Variants in STXBP3 observed in about 807,000 individuals in gnomAD.
STXBP3 encodes syntaxin binding protein 3, also known as syntaxin-binding protein 3.
A neutral mutation model predicts 85.7 loss-of-function variants in STXBP3; 41 were observed. The ratio of observed to expected loss-of-function variants is 0.48; its 90% CI spans 0.37 to 0.62. The LOEUF is 0.62. Among genes scored for constraint, STXBP3 ranks in the 20% least tolerant of loss-of-function variants. The probability of loss-of-function intolerance (pLI) is 0.00; values close to 1 mark genes in which losing one functional copy is unlikely to be tolerated. For missense variants in STXBP3, 563 were observed against 703.1 expected (o/e 0.80, Z 2.25); for synonymous variants, 229 against 231.7 (o/e 0.99, Z 0.10).
At position 108,752,326 on chromosome 1, in the gene STXBP3, C is replaced by G. The variant is rs1447969568; in HGVS notation, c.99+20C>G. 2 of 1,607,680 alleles carry G rather than the reference C, an allele frequency of 1.2e-6. No homozygotes were observed. The highest frequency in any genetic ancestry group is 1.7e-6 in the Non-Finnish European group (2 of 1,176,256). ...TGGAAGGTAGAGTTTGCATACCTTG[C>G]TCTTATAAAAAATAATACAAACTTT... On this transcript the variant is annotated intron_variant, in intron 2 of 18. Coordinates refer to ENST00000370008, the MANE Select transcript of STXBP3 (RefSeq NM_007269.4).
intron 7 of STXBP3, among the ~76,000 whole-genome samples, chr1:108,775,066 T>TAATTTATTGTACAATTAATTTATTGTAC (rs1261821541): frequency 6.6e-6 from 1 of 152,160 alleles, no homozygotes; most frequent in African/African-American, 2.4e-5. Flanking sequence ...ACAAAGAGTT[T>TAATTTATTGTACAATTAATTTATTGTAC]AATTTATTGT....
chr1:108,785,689 T>C (rs893542453), intron 11 of STXBP3, among the ~76,000 whole-genome samples: 20 of 152,144 alleles, frequency 1.3e-4, no homozygotes, highest in African/African-American at 4.8e-4. Flanking sequence ...TTTTCAAACT[T>C]TTATGCTCTG....
At position 108,798,229 on chromosome 1, in the gene STXBP3, A is replaced by T. The variant is rs1663154026; in HGVS notation, c.1441A>T (p.Ile481Phe). The T allele has an allele frequency of 6.2e-7, 1 of 1,608,224 alleles. No homozygotes were observed. The highest frequency in any genetic ancestry group is 1.1e-5 in the South Asian group (1 of 90,812). Residue 481 changes from isoleucine (I) to phenylalanine (F), a missense_variant, in exon 16 of 19, where the codon ATT becomes TTT. Transcript: ENST00000370008. ...TCGGTGGACACCTTTTATCAAAGATATTATGGAGGTAAAAATCATTAAAAT... is the reference window on the plus strand; with the variant it reads ...TCGGTGGACACCTTTTATCAAAGATTTTATGGAGGTAAAAATCATTAAAAT... ...LSRWTPFIKD[I>F]MEDAIDNRLD...
intron 1 of STXBP3, among the ~76,000 whole-genome samples, chr1:108,748,241 G>GAA (rs895391720): frequency 7.2e-5 from 11 of 152,192 alleles, no homozygotes; most frequent in South Asian, 6.2e-4. Flanking sequence ...GAAAAGAAAA[G>GAA]AAAAAATTAT....
At chr1:108,779,973 T>G (rs915244440) in intron 9 of STXBP3, 2 of 152,142 alleles carry the variant, frequency 1.3e-5, no homozygotes, top group African/African-American at 4.8e-5. Context: ...ATGAAATAGT[T>G]TTCTATCAAG....
intron 3 of STXBP3, among the ~76,000 whole-genome samples, chr1:108,755,696 G>T (rs1662003384): frequency 6.6e-6 from 1 of 152,010 alleles, no homozygotes; most frequent in African/African-American, 2.4e-5. Context: ...AATATGTATA[G>T]CATGACTGTA....
At chr1:108,797,606 C>A (rs1178044032) in intron 15 of STXBP3, among the ~76,000 whole-genome samples, 1 of 152,012 alleles carries the variant, frequency 6.6e-6, no homozygotes, top group East Asian at 1.9e-4. Context: ...CAGGGTTTCA[C>A]TCTGTCGGCC....
chr1:108,767,065 A>G (rs1265184688), intron 6 of STXBP3: 2 of 368,902 alleles, frequency 5.4e-6, no homozygotes, highest in East Asian at 1.6e-4. Flanking sequence ...AGGAGATTGC[A>G]GCATTAATAA....
intron 9 of STXBP3, chr1:108,780,599 C>G (rs1264037326): frequency 6.8e-6 from 1 of 146,334 alleles, no homozygotes; most frequent in Non-Finnish European, 1.5e-5. Flanking sequence ...GAACTCCTGA[C>G]CTCAGGTGAT....
intron 4 of STXBP3, among the ~76,000 whole-genome samples, chr1:108,758,187 G>A (rs1662060054): frequency 6.6e-6 from 1 of 150,712 alleles, no homozygotes; most frequent in African/African-American, 2.4e-5. Flanking sequence ...TATTCCAATA[G>A]TCTTGTCTTC....
intron 2 of STXBP3, among the ~76,000 whole-genome samples, chr1:108,752,547 C>T (rs975920683): frequency 3.3e-5 from 5 of 152,010 alleles, no homozygotes; most frequent in East Asian, 1.9e-4. Flanking sequence ...CCATGGATAC[C>T]GAGGGATGAC....
In STXBP3 at chr1:108,779,551, A is replaced by G. The variant is rs1271173742; in HGVS notation, c.809+141A>G. ...GAGACTTTATCCTTCTCTTATTCCT[A>G]CAGTTATAGTCTTTGACAGATAATG... On this transcript the variant is annotated intron_variant, in intron 9 of 18. Transcript: ENST00000370008. The G allele has an allele frequency of 1.0e-5, 9 of 869,398 alleles. No homozygotes were observed. In the South Asian group the frequency reaches 1.5e-4, roughly 15 times the overall value. The allele number at this position is 869,398 out of a possible 1,614,324, so 53.9% of individuals were successfully genotyped here.
chr1:108,763,087 C>T (rs749035767), intron 6 of STXBP3, among the ~76,000 whole-genome samples: 3 of 152,148 alleles, frequency 2.0e-5, no homozygotes, highest in Non-Finnish European at 4.4e-5. Flanking sequence ...GGCACAGAAT[C>T]CTGTTTCTTG....
At position 108,776,393 on chromosome 1, in the gene STXBP3, C is replaced by T. The variant is rs1261217345; in HGVS notation, c.654C>T (p.Tyr218=). 3 of 1,607,386 alleles carry T rather than the reference C, an allele frequency of 1.9e-6. No homozygotes were observed. Among genetic ancestry groups the T allele is most frequent in the Admixed American group, 1.7e-5 (1 of 59,608 alleles). Residue 218 remains tyrosine (Y), a synonymous_variant, in exon 8 of 19, where the codon TAC becomes TAT. Transcript: ENST00000370008. ...AQLVEKKLED[Y]YKIDEKSLIK... is the part of the protein sequence containing the mutation. ...TTGTTGAAAAAAAGCTTGAAGACTA[C>T]TACAAGATTGATGAAAAGAGCCTAA...
At chr1:108,792,959 C>T (rs947725777) in intron 11 of STXBP3, among the ~76,000 whole-genome samples, 2 of 152,104 alleles carry the variant, frequency 1.3e-5, no homozygotes, top group Admixed American at 1.3e-4. Context: ...ACTAAGACCC[C>T]TCTGAAATCT....
At position 108,808,985 on chromosome 1, in the gene STXBP3, T is replaced by C. The variant is rs1386122224; in HGVS notation, c.*108T>C. 4.1e-6 allele frequency: 3 copies of C among 731,290 alleles called. No homozygotes were observed. The East Asian group carries it at 8.5e-5, about 21-fold the overall frequency. 45.3% of individuals were successfully genotyped at this position (731,290 alleles called of 1,614,324 possible). ...ACAATGTAAATATTTTATGGAATAA[T>C]GGCTTTTCAAATACATTTCTTAAGG... On this transcript the variant is annotated 3_prime_UTR_variant, in exon 19 of 19. Coordinates refer to ENST00000370008, the MANE Select transcript of STXBP3 (RefSeq NM_007269.4).
rs1557806741 is a variant in STXBP3 at position 108,772,433 on chromosome 1, G to GATATCTATCTGTATAATATATAAATACAT, written c.439-202_439-174dup. Among the ~76,000 whole-genome samples the GATATCTATCTGTATAATATATAAATACAT allele has an allele frequency of 4.7e-4, 60 of 126,494 alleles. 3 individuals are homozygous for GATATCTATCTGTATAATATATAAATACAT. The highest frequency in any genetic ancestry group is 1.8e-3 in the African/African-American group (56 of 31,240). The allele number at this position is 126,494 out of a possible 152,430, so 83.0% of individuals were successfully genotyped here. A position where few individuals can be genotyped will look rare whatever the true frequency, so the allele number is the denominator to read the frequency against. ...TCTATCTGTATATATAAATACATAT[G>GATATCTATCTGTATAATATATAAATACAT]ATATCTATCTGTATAATATATAAAT... On this transcript the variant is annotated intron_variant, in intron 6 of 18. Transcript: ENST00000370008.
chr1:108,779,531 T>C, intron 9 of STXBP3, 121 bp downstream of exon 9: 1 of 1,015,554 alleles, frequency 9.8e-7, no homozygotes, highest in Non-Finnish European at 1.4e-6. Flanking sequence ...ATTCAGAGAC[T>C]TTATCCTTCT....
At position 108,760,044 on chromosome 1, in the gene STXBP3, T is replaced by C; in HGVS notation, c.397T>C (p.Cys133Arg). The change falls in exon 6 of 19, where the codon TGT (cysteine) becomes CGT (arginine). Residue 133 changes from cysteine (C) to arginine (R), a missense_variant. Coordinates refer to ENST00000370008, the MANE Select transcript of STXBP3 (RefSeq NM_007269.4). ...TTCTTGCTCCAAGTCAATAAGAAGA[T>C]GTAAAGAAATAAATATTTCCTTCAT... ...KASCSKSIRR[C>R]KEINISFIPH... The C allele has an allele frequency of 1.9e-6, 3 of 1,575,614 alleles. No homozygotes were observed. The highest frequency in any genetic ancestry group is 2.6e-6 in the Non-Finnish European group (3 of 1,165,646).
Sources: gnomAD v4.1 joint callset for allele counts (sites outside exome capture counted in the v4.1 genomes callset) on GRCh38, gnomAD v4.1.1 for gene constraint, MANE v1.5 for transcripts, NCBI Gene and HGNC (gene_info 2026-07-23, HGNC 2026-07-21) for gene names.